The following CDH12 variants were observed in gnomAD, a reference collection of about 807,000 sequenced individuals.
The protein encoded by CDH12 is cadherin 12, also known as cadherin-12.
In CDH12, 41 loss-of-function variants were observed where a neutral mutation model predicts 74.1. The ratio of observed to expected loss-of-function variants is 0.55; its 90% CI spans 0.43 to 0.72. CDH12 has a LOEUF of 0.72. Among genes scored for constraint, CDH12 ranks in the 30% least tolerant of loss-of-function variants. CDH12 has a pLI of 0.00. For synonymous variants in CDH12, 399 were observed against 355.0 expected, an observed-to-expected ratio of 1.12 and a Z score of -1.39; for missense variants, 945 against 977.2, an observed-to-expected ratio of 0.97 and a Z score of 0.44.
At chr5:22,784,452 T>G (rs752056492) in intron 1 of CDH12, among the ~76,000 whole-genome samples, 18 of 152,158 alleles carry the variant, frequency 1.2e-4, no homozygotes, top group Admixed American at 3.3e-4. Context: ...CCTTGGACAA[T>G]GACTCATCTT....
At chr5:22,418,319 T>G (rs1322389828) in intron 2 of CDH12, among the ~76,000 whole-genome samples, 1 of 150,602 alleles carries the variant, frequency 6.6e-6, no homozygotes, top group East Asian at 1.9e-4. Context: ...TTTGCTGAAG[T>G]TACTTATCAG....
At chr5:22,293,114 G>T (rs757534834) in intron 3 of CDH12, among the ~76,000 whole-genome samples, 34 of 151,882 alleles carry the variant, frequency 2.2e-4, no homozygotes, top group Non-Finnish European at 2.4e-4. Flanking sequence ...TCCTTATTTG[G>T]CACCCTTAGT....
intron 8 of CDH12, among the ~76,000 whole-genome samples, chr5:21,819,782 G>T (rs766486712): frequency 1.3e-5 from 2 of 151,924 alleles, no homozygotes; most frequent in Non-Finnish European, 1.5e-5. Flanking sequence ...GCCAGCAGTG[G>T]GAGTGGTAAG....
intron 4 of CDH12, among the ~76,000 whole-genome samples, chr5:22,192,336 T>C (rs1164412566): frequency 5.3e-5 from 8 of 152,136 alleles, no homozygotes; most frequent in African/African-American, 1.7e-4. Flanking sequence ...TCTCAGGTAA[T>C]ACAAATCTGT....
At position 22,584,352 on chromosome 5, in the gene CDH12, G is replaced by A. The variant is rs538768160; in HGVS notation, c.-522-78988C>T. On this transcript the variant is annotated intron_variant, in intron 1 of 14. Transcript: ENST00000382254. ...TGACCTCAGGTGATCCATCTGCCTC[G>A]GCTTCCCGAAGTGCTGGGATTATAG... Among the ~76,000 whole-genome samples, 6 of 152,240 alleles carry A rather than the reference G, an allele frequency of 3.9e-5. No homozygotes were observed. In the East Asian group the frequency reaches 5.8e-4, roughly 15 times the overall value.
intron 3 of CDH12, among the ~76,000 whole-genome samples, chr5:22,342,909 C>T (rs1739938372): frequency 6.6e-6 from 1 of 151,690 alleles, no homozygotes; most frequent in Non-Finnish European, 1.5e-5. Context: ...ATTGCAGTGG[C>T]AGGATCTTAG....
intron 4 of CDH12, among the ~76,000 whole-genome samples, chr5:22,200,017 G>A (rs1384056155): frequency 1.3e-5 from 2 of 152,026 alleles, no homozygotes; most frequent in South Asian, 2.1e-4. Context: ...ATGGTTCCAG[G>A]GAAGATTGCT....
chr5:22,452,140 C>T (rs1330812629), intron 2 of CDH12, among the ~76,000 whole-genome samples: 3 of 151,760 alleles, frequency 2.0e-5, no homozygotes, highest in Non-Finnish European at 4.4e-5. Context: ...TTAAAATATC[C>T]ATACTATCCA....
intron 4 of CDH12, among the ~76,000 whole-genome samples, chr5:22,080,025 T>C (rs1742612627): frequency 6.6e-6 from 1 of 152,166 alleles, no homozygotes; most frequent in African/African-American, 2.4e-5. Flanking sequence ...GCAGGCATGA[T>C]GAAACGTGGC....
intron 4 of CDH12, among the ~76,000 whole-genome samples, chr5:22,131,774 C>T (rs1174419834): frequency 3.3e-5 from 5 of 152,114 alleles, no homozygotes; most frequent in Non-Finnish European, 5.9e-5. Context: ...ATAGCTCCCT[C>T]TCAATTTACA....
intron 5 of CDH12, among the ~76,000 whole-genome samples, chr5:22,071,300 A>T (rs1741925190): frequency 6.6e-6 from 1 of 152,132 alleles, no homozygotes; most frequent in Admixed American, 6.6e-5. Flanking sequence ...TCAACAGGGC[A>T]TTCCTCAGTC....
intron 3 of CDH12, among the ~76,000 whole-genome samples, chr5:22,237,465 C>T (rs1752597240): frequency 6.6e-6 from 1 of 152,052 alleles, no homozygotes; most frequent in Non-Finnish European, 1.5e-5. Flanking sequence ...TGAGGGCAGA[C>T]AAATGTGATG....
chr5:22,079,698 T>A (rs1321062373), intron 4 of CDH12, among the ~76,000 whole-genome samples: 1 of 152,154 alleles, frequency 6.6e-6, no homozygotes, highest in Non-Finnish European at 1.5e-5. Context: ...GCTTTTACTC[T>A]GCATTTAGAT....
chr5:22,707,320 C>T (rs1439950110), intron 1 of CDH12, among the ~76,000 whole-genome samples: 1 of 152,038 alleles, frequency 6.6e-6, no homozygotes, highest in African/African-American at 2.4e-5. Flanking sequence ...GGGAAATTTT[C>T]ACTGTGTGAT....
chr5:22,471,983 A>T (rs139189320), intron 2 of CDH12, among the ~76,000 whole-genome samples: 1 of 152,328 alleles, frequency 6.6e-6, no homozygotes, highest in Admixed American at 6.5e-5. Flanking sequence ...CAAGGAGAAC[A>T]GTAAGAAGGT....
At chr5:22,299,396 A>G (rs1737767908) in intron 3 of CDH12, among the ~76,000 whole-genome samples, 1 of 152,184 alleles carries the variant, frequency 6.6e-6, no homozygotes, top group Non-Finnish European at 1.5e-5. Flanking sequence ...GATCAAGTAG[A>G]AATGTTTTGG....
At chr5:22,508,158 A>G (rs1012576313) in intron 1 of CDH12, among the ~76,000 whole-genome samples, 17 of 152,168 alleles carry the variant, frequency 1.1e-4, no homozygotes, top group Non-Finnish European at 2.1e-4. Flanking sequence ...GGTTCTATGA[A>G]TTAGAACATG....
chr5:22,790,462 A>T (rs1480271799), intron 1 of CDH12, among the ~76,000 whole-genome samples: 5 of 152,120 alleles, frequency 3.3e-5, no homozygotes, highest in Non-Finnish European at 5.9e-5. Flanking sequence ...TTCAGTCCTT[A>T]CAAGTTAGAA....
chr5:21,762,263 C>G (rs970928479), intron 12 of CDH12, among the ~76,000 whole-genome samples: 22 of 152,086 alleles, frequency 1.4e-4, no homozygotes, highest in African/African-American at 5.3e-4. Context: ...TGGCACTTAT[C>G]TGGAAGTGTT....
Sources: gnomAD v4.1 joint callset for allele counts (sites outside exome capture counted in the v4.1 genomes callset) on GRCh38, gnomAD v4.1.1 for gene constraint, MANE v1.5 for transcripts, NCBI Gene and HGNC (gene_info 2026-07-23, HGNC 2026-07-21) for gene names.